MYO18A: variants seen among roughly 807,000 people sequenced by gnomAD.
The protein encoded by MYO18A is unconventional myosin-XVIIIa.
Under a neutral mutation model 235.8 loss-of-function variants are expected in MYO18A, and 78 were observed. The observed-to-expected ratio is 0.33, with a 90% CI of 0.28 to 0.40. The LOEUF (loss-of-function observed/expected upper bound fraction) is 0.40. Ranked by LOEUF, MYO18A falls within the 10% of genes least tolerant of loss-of-function variation. The pLI is 1.00. For missense variants in MYO18A, 2,215 were observed against 2,699.3 expected, an observed-to-expected ratio of 0.82 and a Z score of 3.98; for synonymous variants, 977 against 1,077.8, an observed-to-expected ratio of 0.91 and a Z score of 1.83.
At chr17:29,130,299 C>CAAAAAAA (rs564370108) in intron 2 of MYO18A, among the ~76,000 whole-genome samples, 48 of 55,878 alleles carry the variant, frequency 8.6e-4, no homozygotes, top group African/African-American at 9.5e-4. Flanking sequence ...AACCCTGTCT[C>CAAAAAAA]AAAAAAAAAA....
intron 1 of MYO18A, among the ~76,000 whole-genome samples, chr17:29,168,885 G>A (rs1009046995): frequency 2.0e-5 from 3 of 152,136 alleles, no homozygotes; most frequent in Non-Finnish European, 4.4e-5. Context: ...ATCACTTGAG[G>A]TCAGAAGTTC....
intron 39 of MYO18A, 96 bp from the exon 40 acceptor site, chr17:29,085,744 T>G: frequency 4.1e-5 from 51 of 1,244,822 alleles, no homozygotes; most frequent in Middle Eastern, 1.9e-4. Context: ...AAGACCTCTC[T>G]TCCCTCAGCA....
intron 1 of MYO18A, 73 bp from the exon 2 acceptor site, chr17:29,167,094 A>C (rs1474348374): frequency 1.9e-6 from 2 of 1,048,290 alleles, no homozygotes; most frequent in African/African-American, 3.2e-5. Flanking sequence ...AGACATAACC[A>C]AATGATACAG....
rs1367164744 is a variant in MYO18A, at chr17:29,111,393, A to G, written c.2900+31T>C. 2 of 1,606,456 alleles carry G rather than the reference A, an allele frequency of 1.2e-6. No homozygotes were observed. The highest frequency in any genetic ancestry group is 1.3e-5 in the African/African-American group (1 of 74,850). On this transcript the variant is annotated intron_variant, in intron 17 of 41. Coordinates refer to ENST00000527372, the MANE Select transcript of MYO18A (RefSeq NM_078471.4). The surrounding 1 kb of genome is among the most constrained non-coding windows in gnomAD (Gnocchi z 5.1). ...CCAAAATCAAAACAGTCCTGGGTAC[A>G]GAACAGGGGCGGAGGGAGTGGTGGT...
intron 2 of MYO18A, among the ~76,000 whole-genome samples, chr17:29,122,969 G>A (rs545011757): frequency 1.4e-4 from 22 of 152,344 alleles, no homozygotes; most frequent in Middle Eastern, 6.8e-3. Flanking sequence ...ACAAAGGCAC[G>A]AGGCAGTGCG....
intron 1 of MYO18A, among the ~76,000 whole-genome samples, chr17:29,174,502 CAAAAAATAA>C (rs543911959): frequency 6.6e-6 from 1 of 150,506 alleles, no homozygotes; most frequent in African/African-American, 2.4e-5. Flanking sequence ...GATTATGTCT[CAAAAAATAA>C]AAAAAATAAA....
intron 2 of MYO18A, among the ~76,000 whole-genome samples, chr17:29,146,256 T>G (rs1395915929): frequency 2.0e-5 from 3 of 151,290 alleles, no homozygotes; most frequent in African/African-American, 7.3e-5. Flanking sequence ...AGACTCCATC[T>G]CAAAAAAATA....
At position 29,091,380 on chromosome 17, in the gene MYO18A, A is replaced by G. The variant is rs1015440619; in HGVS notation, c.5188-454T>C. Reference sequence around the variant, plus strand: ...CCCACTCCCTGGGCATCCAGCCCCGACAGCCAGTCCCCTCCTTGGGGGAGG... The same window carrying G: ...CCCACTCCCTGGGCATCCAGCCCCGGCAGCCAGTCCCCTCCTTGGGGGAGG... On this transcript the variant is annotated intron_variant, in intron 34 of 41. Transcript: ENST00000527372. 8.0e-4 allele frequency: 268 copies of G among 335,200 alleles called. 1 individual carries two copies. Among genetic ancestry groups the G allele is most frequent in the Non-Finnish European group, 1.3e-3 (225 of 170,526 alleles). 20.8% of individuals were successfully genotyped at this position (335,200 alleles called of 1,614,324 possible). A position where few individuals can be genotyped will look rare whatever the true frequency, so the allele number is the denominator to read the frequency against.
chr17:29,118,429 T>C lies in MYO18A; in HGVS notation c.1841A>G (p.His614Arg). ...CGDGTLRTEL[H>R]LNHLAENNVF... is the part of the protein sequence containing the mutation. ...ATTGTTCTCTGCCAAGTGGTTGAGG[T>C]GGAGCTCTGTCCTAGGGGTACAAAT... Residue 614 changes from histidine to arginine, a missense_variant, in exon 9 of 42, where the codon CAC becomes CGC. Physicochemically the swap from His to Arg is conservative, Grantham distance 29 (BLOSUM62 0). Coordinates refer to ENST00000527372, the MANE Select transcript of MYO18A (RefSeq NM_078471.4). This position sits in a 1 kb window ranked among gnomAD's most constrained non-coding sequence, Gnocchi z 4.2. 1 of 1,605,992 alleles carries C rather than the reference T, an allele frequency of 6.2e-7. No individual in the cohort carries two copies. Among genetic ancestry groups the C allele is most frequent in the Non-Finnish European group, 8.5e-7 (1 of 1,174,086 alleles).
intron 2 of MYO18A, among the ~76,000 whole-genome samples, chr17:29,149,010 G>T (rs1215195068): frequency 6.6e-6 from 1 of 152,236 alleles, no homozygotes; most frequent in African/African-American, 2.4e-5. Flanking sequence ...GCTCCGCCCT[G>T]CAGCGCCGCT....
intron 2 of MYO18A, among the ~76,000 whole-genome samples, chr17:29,152,915 A>G (rs1307806435): frequency 2.6e-5 from 4 of 152,132 alleles, no homozygotes; most frequent in East Asian, 1.9e-4. Context: ...AAGTAGCACT[A>G]TCTTTCGCAG....
chr17:29,117,691 C>T lies in MYO18A; in HGVS notation c.2038+354G>A, dbSNP rs1019504780. Among the ~76,000 whole-genome samples the T allele has an allele frequency of 2.6e-5, 4 of 152,136 alleles. No individual in the cohort carries two copies. Among genetic ancestry groups the T allele is most frequent in the East Asian group, 1.9e-4 (1 of 5,198 alleles). ...AAGGGCGGGGCCAAGGTCAGTTACC[C>T]GCTTGCTCCTCGGGGGCCTCTGTCA... On this transcript the variant is annotated intron_variant, in intron 10 of 41. Transcript: ENST00000527372. This position sits in a 1 kb window ranked among gnomAD's most constrained non-coding sequence, Gnocchi z 4.6.
At chr17:29,177,595 C>T (rs1298334342) in intron 1 of MYO18A, among the ~76,000 whole-genome samples, 3 of 152,048 alleles carry the variant, frequency 2.0e-5, no homozygotes, top group Non-Finnish European at 4.4e-5. Context: ...GTGGGGTGTG[C>T]AGATCTTAAA....
chr17:29,155,815 C>T (rs925384154), intron 2 of MYO18A, among the ~76,000 whole-genome samples: 4 of 152,182 alleles, frequency 2.6e-5, no homozygotes, highest in African/African-American at 9.6e-5. Flanking sequence ...CAGCCTCATT[C>T]TCTCCTCAGA....
At chr17:29,119,553 ATTTTT>A in intron 7 of MYO18A, 118 bp from the exon 8 acceptor site, 25 of 433,200 alleles carry the variant, frequency 5.8e-5, no homozygotes, top group East Asian at 2.6e-4. Flanking sequence ...AAGCAGCTGC[ATTTTT>A]TTTTTTTTTT....
intron 2 of MYO18A, among the ~76,000 whole-genome samples, chr17:29,153,311 G>A (rs899540023): frequency 1.3e-5 from 2 of 151,434 alleles, no homozygotes; most frequent in South Asian, 2.1e-4. Flanking sequence ...ATAGAGATGG[G>A]GTCTCACCAT....
intron 40 of MYO18A, among the ~76,000 whole-genome samples, chr17:29,084,722 G>T (rs912941765): frequency 6.6e-6 from 1 of 151,724 alleles, no homozygotes; most frequent in Admixed American, 6.6e-5. Flanking sequence ...AGTCCTGTGC[G>T]CTGCCACCAG....
chr17:29,102,451 C>A (rs1452604507), intron 21 of MYO18A, among the ~76,000 whole-genome samples: 1 of 152,050 alleles, frequency 6.6e-6, no homozygotes, highest in African/African-American at 2.4e-5. Flanking sequence ...GCAGCCCCAG[C>A]TTAAAAAAGC....
intron 2 of MYO18A, among the ~76,000 whole-genome samples, chr17:29,148,909 C>T (rs2067909077): frequency 6.6e-6 from 1 of 152,188 alleles, no homozygotes; most frequent in Non-Finnish European, 1.5e-5. Context: ...CCCGGGGCGG[C>T]ACTTCCCGGG....
Sources: allele counts gnomAD v4.1 joint callset (sites outside exome capture counted in the v4.1 genomes callset), GRCh38; gene constraint gnomAD v4.1.1; non-coding constraint Gnocchi (gnomAD v3.1); transcripts MANE v1.5; gene names NCBI Gene and HGNC (gene_info 2026-07-23, HGNC 2026-07-21).